The following STAT1 variants were observed in gnomAD, a reference collection of about 807,000 sequenced individuals.
STAT1 encodes signal transducer and activator of transcription 1-alpha/beta.
Under a neutral mutation model 111.7 loss-of-function variants are expected in STAT1, and 24 were observed. The observed-to-expected ratio is 0.21, with a 90% CI of 0.16 to 0.30. The LOEUF is 0.30. STAT1 is among the 10% of genes least tolerant of loss of function. The pLI, the probability that STAT1 is intolerant of heterozygous loss-of-function variation, is 1.00. For missense variants in STAT1, 351 were observed against 911.9 expected, an observed-to-expected ratio of 0.38 and a Z score of 7.92; for synonymous variants, 332 against 326.5, an observed-to-expected ratio of 1.02 and a Z score of -0.18.
In STAT1 at chr2:190,975,263, G is replaced by C; in HGVS notation, c.2136-331C>G. 1 of 467,774 alleles carries C rather than the reference G, an allele frequency of 2.1e-6. No homozygotes were observed. The highest frequency in any genetic ancestry group is 3.3e-4 in the Middle Eastern group (1 of 3,028). 29.0% of individuals were successfully genotyped at this position (467,774 alleles called of 1,614,324 possible). On this transcript the variant is annotated intron_variant, in intron 23 of 24. Transcript: ENST00000361099. This position sits in a 1 kb window ranked among gnomAD's most constrained non-coding sequence, Gnocchi z 5.9. ...ATGACAATGCCTCGTGGCTTACCCT[G>C]GACAGAAAAGCACCAGAGAAATGTC... is the stretch of plus-strand genomic sequence containing the variant.
chr2:190,978,756 C>T lies in STAT1; in HGVS notation c.1873+100G>A. The T allele has an allele frequency of 6.7e-7, 1 of 1,491,566 alleles. No homozygotes were observed. The allele number at this position is 1,491,566 out of a possible 1,614,324, so 92.4% of individuals were successfully genotyped here. On this transcript the variant is annotated intron_variant, in intron 21 of 24. Coordinates refer to ENST00000361099, the MANE Select transcript of STAT1 (RefSeq NM_007315.4). The surrounding 1 kb of genome is among the most constrained non-coding windows in gnomAD (Gnocchi z 6.1). ...GGGGTAAGTATAAGATCTGCAATTTCATGTCCCAAACGCACTATCTGTATG... is the reference window on the plus strand; with the variant it reads ...GGGGTAAGTATAAGATCTGCAATTTTATGTCCCAAACGCACTATCTGTATG...
chr2:191,004,661 T>C lies in STAT1; in HGVS notation c.372+2902A>G, dbSNP rs564986587. Among the ~76,000 whole-genome samples, 6 of 152,338 alleles carry C rather than the reference T, an allele frequency of 3.9e-5. No individual in the cohort carries two copies. The highest frequency in any genetic ancestry group is 3.9e-4 in the Admixed American group (6 of 15,306). Reference sequence around the variant, plus strand: ...TGACCTCTAAACCTTAGTTTTCTCATCTTTAAAATGGGGATAAGAATACCT... The same window carrying C: ...TGACCTCTAAACCTTAGTTTTCTCACCTTTAAAATGGGGATAAGAATACCT... On this transcript the variant is annotated intron_variant, in intron 5 of 24. Transcript: ENST00000361099. This position sits in a 1 kb window ranked among gnomAD's most constrained non-coding sequence, Gnocchi z 5.0.
In STAT1 at chr2:190,989,753, G is replaced by A. The variant is rs761989735; in HGVS notation, c.1038-79C>T. On this transcript the variant is annotated intron_variant, in intron 11 of 24. Transcript: ENST00000361099. The surrounding 1 kb of genome is among the most constrained non-coding windows in gnomAD (Gnocchi z 5.0). The stretch of plus-strand genomic sequence containing the variant: ...TTTATTATGCCAATTCCCTATTAAC[G>A]TTTAGATAAACTACTCCCCCTCCAG... The A allele has an allele frequency of 1.4e-5, 15 of 1,063,846 alleles. No individual in the cohort carries two copies. The highest frequency in any genetic ancestry group is 2.1e-5 in the Non-Finnish European group (15 of 713,952). 65.9% of individuals were successfully genotyped at this position (1,063,846 alleles called of 1,614,324 possible). A position where few individuals can be genotyped will look rare whatever the true frequency, so the allele number is the denominator to read the frequency against.
intron 10 of STAT1, chr2:190,992,871 C>T: frequency 3.5e-6 from 1 of 287,218 alleles, no homozygotes; most frequent in Non-Finnish European, 6.4e-6. Context: ...CTCACTGCAA[C>T]CTCCGCCACC....
Position 190,997,440 on chromosome 2 carries a change from G to A in STAT1, c.785+416C>T, listed in dbSNP as rs905114969. 3.3e-5 allele frequency among the ~76,000 whole-genome samples: 5 copies of A among 152,114 alleles called. No homozygotes were observed. The highest frequency in any genetic ancestry group is 9.7e-5 in the African/African-American group (4 of 41,418). On this transcript the variant is annotated intron_variant, in intron 9 of 24. Transcript: ENST00000361099. This position sits in a 1 kb window ranked among gnomAD's most constrained non-coding sequence, Gnocchi z 7.3. ...TGTGTGCCCAGGTCCTACAGTGCCC[G>A]GCACACAGTAGGCATTTAATAAGTA...
chr2:190,994,188 A>C (rs563649127), intron 10 of STAT1, among the ~76,000 whole-genome samples: 1 of 152,326 alleles, frequency 6.6e-6, no homozygotes, highest in East Asian at 1.9e-4. Flanking sequence ...CAGAAAAGCA[A>C]GTATGCGGCA....
chr2:191,002,900 T>C (rs1694383522), intron 5 of STAT1, among the ~76,000 whole-genome samples: 1 of 152,218 alleles, frequency 6.6e-6, no homozygotes, highest in Non-Finnish European at 1.5e-5. Flanking sequence ...AGGAAGTAAA[T>C]GCTTTTTTCT....
chr2:190,988,794 G>C (rs900965839), intron 12 of STAT1, among the ~76,000 whole-genome samples: 5 of 151,972 alleles, frequency 3.3e-5, no homozygotes, highest in Non-Finnish European at 1.5e-5. Flanking sequence ...ATTCTTATAG[G>C]AGTGGGAAAA....
chr2:190,978,953 C>G lies in STAT1; in HGVS notation c.1776G>C (p.Lys592Asn). The change falls in exon 21 of 25, where the codon AAG becomes AAC. Residue 592 changes from lysine to asparagine, a missense_variant. Transcript: ENST00000361099. The surrounding 1 kb of genome is among the most constrained non-coding windows in gnomAD (Gnocchi z 6.1). ...GCAGGAAGGTCCCCGGCTGCTGGTC[C>G]TTCAACAGGGCACGCTCTCGCTCCT... ...ISKERERALL[K>N]DQQPGTFLLR... 6.2e-7 allele frequency: 1 copy of G among 1,614,200 alleles called. No homozygotes were observed. Among genetic ancestry groups the G allele is most frequent in the Non-Finnish European group, 8.5e-7 (1 of 1,180,030 alleles).
intron 4 of STAT1, among the ~76,000 whole-genome samples, chr2:191,008,475 C>T (rs769545596): frequency 6.6e-6 from 1 of 152,192 alleles, no homozygotes; most frequent in African/African-American, 2.4e-5. Flanking sequence ...GAGGCCAACT[C>T]CACCAGAAGC....
In STAT1 at chr2:190,996,076, C is replaced by T. The variant is rs1449592171; in HGVS notation, c.786-857G>A. On this transcript the variant is annotated intron_variant, in intron 9 of 24. Coordinates refer to ENST00000361099, the MANE Select transcript of STAT1 (RefSeq NM_007315.4). This position sits in a 1 kb window ranked among gnomAD's most constrained non-coding sequence, Gnocchi z 4.5. ...GAGAGACAGAGATGGGAGACAAGGC[C>T]GGGGACAGGAAGAGAGGAAGGAATG... Among the ~76,000 whole-genome samples, 6 of 151,952 alleles carry T rather than the reference C, an allele frequency of 3.9e-5. No homozygotes were observed. The highest frequency in any genetic ancestry group is 2.6e-4 in the Admixed American group (4 of 15,262).
chr2:190,980,564 A>C lies in STAT1; in HGVS notation c.1632+56T>G. ...TAACTATCACAGCAAGAAACATGAG[A>C]ACCTCAACCAAGAGCAAAAAGGACT... is the stretch of plus-strand genomic sequence containing the variant. On this transcript the variant is annotated intron_variant, in intron 19 of 24. Coordinates refer to ENST00000361099, the MANE Select transcript of STAT1 (RefSeq NM_007315.4). The surrounding 1 kb of genome is among the most constrained non-coding windows in gnomAD (Gnocchi z 6.1). 2 of 1,569,160 alleles carry C rather than the reference A, an allele frequency of 1.3e-6. No homozygotes were observed. Among genetic ancestry groups the C allele is most frequent in the African/African-American group, 2.7e-5 (2 of 74,114 alleles).
In STAT1 at chr2:190,980,361, T is replaced by G. The variant is rs970378133; in HGVS notation, c.1632+259A>C. On this transcript the variant is annotated intron_variant, in intron 19 of 24. Coordinates refer to ENST00000361099, the MANE Select transcript of STAT1 (RefSeq NM_007315.4). The surrounding 1 kb of genome is among the most constrained non-coding windows in gnomAD (Gnocchi z 6.1). Reference sequence around the variant, plus strand: ...TGGCTAAAACACTGCTGGGCAGGGGTCCAGCGTGAGTGAACAGAAGCCTCA... The same window carrying G: ...TGGCTAAAACACTGCTGGGCAGGGGGCCAGCGTGAGTGAACAGAAGCCTCA... 6.6e-6 allele frequency among the ~76,000 whole-genome samples: 1 copy of G among 152,164 alleles called. No homozygotes were observed. Among genetic ancestry groups the G allele is most frequent in the African/African-American group, 2.4e-5 (1 of 41,430 alleles).
chr2:190,970,449 GTTTT>G lies in STAT1; in HGVS notation c.*250_*253del, dbSNP rs1691367417. ...CCTGATACTTTGGGTGTATCTGGATGTTTTTCACTTGTGAAACCCACTCTTCAGA... is the reference window on the plus strand; with the variant it reads ...CCTGATACTTTGGGTGTATCTGGATGTCACTTGTGAAACCCACTCTTCAGA... On this transcript the variant is annotated 3_prime_UTR_variant, in exon 25 of 25. Transcript: ENST00000361099. This position sits in a 1 kb window ranked among gnomAD's most constrained non-coding sequence, Gnocchi z 5.4. 9.0e-6 allele frequency: 5 copies of G among 557,086 alleles called. No individual in the cohort carries two copies. Among genetic ancestry groups the G allele is most frequent in the Non-Finnish European group, 1.3e-5 (4 of 308,606 alleles). 34.5% of individuals were successfully genotyped at this position (557,086 alleles called of 1,614,324 possible).
chr2:191,003,051 C>A lies in STAT1; in HGVS notation c.373-1888G>T, dbSNP rs1013377935. Among the ~76,000 whole-genome samples the A allele has an allele frequency of 3.3e-5, 5 of 152,084 alleles. No individual in the cohort carries two copies. In the East Asian group the frequency reaches 9.6e-4, roughly 29 times the overall value. ...CTGATCCCTAATATCTTATTGAGGACTTTTATATTGATACTCATAAGTAAA... is the reference window on the plus strand; with the variant it reads ...CTGATCCCTAATATCTTATTGAGGAATTTTATATTGATACTCATAAGTAAA... On this transcript the variant is annotated intron_variant, in intron 5 of 24. Transcript: ENST00000361099. The surrounding 1 kb of genome is among the most constrained non-coding windows in gnomAD (Gnocchi z 4.0).
rs41388645 is a variant in STAT1 at position 190,997,365 on chromosome 2, C to A, written c.785+491G>T. ...AATTATTACCATGTCTACATCCCCC[C>A]CTCCACACTGAGAACTCCTTGTTGG... On this transcript the variant is annotated intron_variant, in intron 9 of 24. Coordinates refer to ENST00000361099, the MANE Select transcript of STAT1 (RefSeq NM_007315.4). The surrounding 1 kb of genome is among the most constrained non-coding windows in gnomAD (Gnocchi z 7.3). 0.015 allele frequency among the ~76,000 whole-genome samples: 2,209 copies of A among 152,320 alleles called. 43 individuals carry two copies. The highest frequency in any genetic ancestry group is 0.08 in the East Asian group (414 of 5,174).
In STAT1 at chr2:191,007,886, T is replaced by A; in HGVS notation, c.274-225A>T. The A allele has an allele frequency of 1.7e-6, 1 of 576,638 alleles. No individual in the cohort carries two copies. Among genetic ancestry groups the A allele is most frequent in the Non-Finnish European group, 3.1e-6 (1 of 321,786 alleles). The allele number at this position is 576,638 out of a possible 1,614,324, so 35.7% of individuals were successfully genotyped here. ...GCAGGTACCTAACGTACTTTTTGAT[T>A]TAAAAACAAGTATTTTCACATATGG... On this transcript the variant is annotated intron_variant, in intron 4 of 24. Coordinates refer to ENST00000361099, the MANE Select transcript of STAT1 (RefSeq NM_007315.4). The surrounding 1 kb of genome is among the most constrained non-coding windows in gnomAD (Gnocchi z 4.2).
rs1693208840 is a variant in STAT1, at chr2:190,990,219, C to G, written c.1038-545G>C. 6.6e-6 allele frequency among the ~76,000 whole-genome samples: 1 copy of G among 152,126 alleles called. No homozygotes were observed. Among genetic ancestry groups the G allele is most frequent in the African/African-American group, 2.4e-5 (1 of 41,426 alleles). On this transcript the variant is annotated intron_variant, in intron 11 of 24. Transcript: ENST00000361099. The surrounding 1 kb of genome is among the most constrained non-coding windows in gnomAD (Gnocchi z 5.1). ...AGCTGGAGACTTTGAGAAGGAGACC[C>G]CGGGGCTCTGTCTGCTCCGTTCAGT...
rs748001338 is a variant in STAT1, at chr2:190,983,337, T to G, written c.1446+305A>C. Among the ~76,000 whole-genome samples, 6 of 152,202 alleles carry G rather than the reference T, an allele frequency of 3.9e-5. No homozygotes were observed. Among genetic ancestry groups the G allele is most frequent in the Admixed American group, 2.0e-4 (3 of 15,278 alleles). On this transcript the variant is annotated intron_variant, in intron 17 of 24. Transcript: ENST00000361099. This position sits in a 1 kb window ranked among gnomAD's most constrained non-coding sequence, Gnocchi z 5.7. Reference sequence around the variant, plus strand: ...GACTGTAATTAATTAACAGTGAGTATCCACACTCTAAGAATGGAGCATGCT... The same window carrying G: ...GACTGTAATTAATTAACAGTGAGTAGCCACACTCTAAGAATGGAGCATGCT...
Sources: gnomAD v4.1 joint callset for allele counts (sites outside exome capture counted in the v4.1 genomes callset) on GRCh38, gnomAD v4.1.1 for gene constraint, Gnocchi (gnomAD v3.1) non-coding constraint, MANE v1.5 for transcripts, NCBI Gene and HGNC (gene_info 2026-07-23, HGNC 2026-07-21) for gene names.